VWA3A: variants seen among roughly 807,000 people sequenced by gnomAD.
The protein encoded by VWA3A is von Willebrand factor A domain-containing protein 3A.
Under a neutral mutation model 160.4 loss-of-function variants are expected in VWA3A, and 134 were observed. That is an observed-to-expected ratio of 0.84 (90% confidence interval 0.73 to 0.96). The LOEUF (loss-of-function observed/expected upper bound fraction) is 0.96. Among genes scored for constraint, VWA3A ranks in the 40% least tolerant of loss-of-function variants. VWA3A has a pLI of 0.00. For synonymous variants in VWA3A, 476 were observed against 543.4 expected (o/e 0.88, Z 1.72); for missense variants, 1,310 against 1,447.9 (o/e 0.90, Z 1.55).
chr16:22,148,512 T>C (rs1231292337), intron 28 of VWA3A, among the ~76,000 whole-genome samples: 8 of 152,300 alleles, frequency 5.3e-5, no homozygotes, highest in Non-Finnish European at 1.2e-4. Context: ...GGCTCATACC[T>C]GTAATCCCAG....
At chr16:22,111,897 A>G (rs565062487) in intron 8 of VWA3A, among the ~76,000 whole-genome samples, 1 of 152,298 alleles carries the variant, frequency 6.6e-6, no homozygotes, top group African/African-American at 2.4e-5. Context: ...GACTACGGGT[A>G]TGAGACACTG....
At chr16:22,110,608 A>AG (rs2045539266) in intron 7 of VWA3A, among the ~76,000 whole-genome samples, 1 of 152,180 alleles carries the variant, frequency 6.6e-6, no homozygotes, top group African/African-American at 2.4e-5. Flanking sequence ...TGCCTTAGAG[A>AG]GAAACCTCTG....
At chr16:22,155,756 T>C (rs1332635071) in intron 32 of VWA3A, 92 bp downstream of exon 32, 13 of 1,592,122 alleles carry the variant, frequency 8.2e-6, no homozygotes, top group African/African-American at 1.3e-5. Context: ...CCCATGATGG[T>C]ACCCTTGCTC....
At chr16:22,109,623 A>AC in intron 7 of VWA3A, 43 bp downstream of exon 7, 2 of 1,543,590 alleles carry the variant, frequency 1.3e-6, no homozygotes, top group Non-Finnish European at 1.8e-6. Flanking sequence ...ACCACCCACT[A>AC]CCCCCAGCCT....
In VWA3A at chr16:22,100,641, G is replaced by T. The variant is rs11864779; in HGVS notation, c.428+148G>T. On this transcript the variant is annotated intron_variant, in intron 5 of 33. Coordinates refer to ENST00000389398, the MANE Select transcript of VWA3A (RefSeq NM_173615.5). ...CTTGAGGTCAAGAGTTTGAAACCAGGCTGGCCAACATGGTGAAATCCTGTC... is the reference window on the plus strand; with the variant it reads ...CTTGAGGTCAAGAGTTTGAAACCAGTCTGGCCAACATGGTGAAATCCTGTC... The T allele has an allele frequency of 5.2e-3, 3,854 of 748,124 alleles. 125 individuals carry two copies. In the African/African-American group the frequency reaches 0.06, roughly 12 times the overall value. The allele number at this position is 748,124 out of a possible 1,614,324, so 46.3% of individuals were successfully genotyped here. A position where few individuals can be genotyped will look rare whatever the true frequency, so the allele number is the denominator to read the frequency against.
Position 22,097,679 on chromosome 16 carries a change from A to C in VWA3A, c.209A>C (p.Gln70Pro). 6.4e-7 allele frequency: 1 copy of C among 1,551,728 alleles called. No homozygotes were observed. Among genetic ancestry groups the C allele is most frequent in the Non-Finnish European group, 8.7e-7 (1 of 1,146,962 alleles). ...DNGLLVTHVN[Q>P]TQDLLRLQGS... Reference sequence around the variant, plus strand: ...GGATTATTGGTTACACATGTTAACCAGACACAGGACTTACTGGTAAAGACC... The same window carrying C: ...GGATTATTGGTTACACATGTTAACCCGACACAGGACTTACTGGTAAAGACC... Residue 70 changes from glutamine to proline, a missense_variant, in exon 3 of 34, where the codon CAG becomes CCG. Gln to Pro is a moderately conservative substitution (Grantham distance 76). Transcript: ENST00000389398.
intron 19 of VWA3A, among the ~76,000 whole-genome samples, chr16:22,131,991 G>A (rs1486060873): frequency 1.3e-5 from 2 of 152,140 alleles, no homozygotes; most frequent in African/African-American, 4.8e-5. Flanking sequence ...AGCTACTCAG[G>A]AGGCTGGGGT....
At chr16:22,138,626 G>T in intron 22 of VWA3A, 114 bp downstream of exon 22, 2 of 1,405,400 alleles carry the variant, frequency 1.4e-6, no homozygotes, top group Non-Finnish European at 1.9e-6. Flanking sequence ...GTGCTTCAGT[G>T]GTGAGTGTCC....
intron 25 of VWA3A, among the ~76,000 whole-genome samples, 155 bp downstream of exon 25, chr16:22,142,920 G>A (rs2046179209): frequency 6.6e-6 from 1 of 152,114 alleles, no homozygotes; most frequent in Non-Finnish European, 1.5e-5. Context: ...GGAGGCTGAG[G>A]TGGGTGGATC....
rs1310265483 is a variant in VWA3A at position 22,138,474 on chromosome 16, T to C, written c.2254T>C (p.Cys752Arg). 1.9e-6 allele frequency: 3 copies of C among 1,613,262 alleles called. No individual in the cohort carries two copies. The highest frequency in any genetic ancestry group is 1.7e-5 in the Admixed American group (1 of 59,964). The stretch of plus-strand genomic sequence containing the variant: ...GCTAAGAAGTCAGCCCAAGAAGCTC[T>C]GCCCTCCCAGGCCCACCGTCCCCCT... ...LQLRSQPKKL[C>R]PPRPTVPLGA... The change falls in exon 22 of 34, where the codon TGC (cysteine) becomes CGC (arginine). Residue 752 changes from cysteine to arginine, a missense_variant. Cys to Arg is a radical substitution (Grantham distance 180). Transcript: ENST00000389398.
At chr16:22,102,590 T>G (rs1480213610) in intron 5 of VWA3A, among the ~76,000 whole-genome samples, 2 of 152,176 alleles carry the variant, frequency 1.3e-5, no homozygotes, top group Admixed American at 6.5e-5. Flanking sequence ...AACCAGTCAT[T>G]GCAAGCCAGG....
In VWA3A at chr16:22,152,629, G is replaced by GA; in HGVS notation, c.3404dup (p.Asp1136GlyfsTer8). 1 of 1,603,190 alleles carries GA rather than the reference G, an allele frequency of 6.2e-7. No individual in the cohort carries two copies. The highest frequency in any genetic ancestry group is 8.5e-7 in the Non-Finnish European group (1 of 1,174,802). On this transcript the variant is annotated frameshift_variant, in exon 31 of 34. Coordinates refer to ENST00000389398, the MANE Select transcript of VWA3A (RefSeq NM_173615.5). LOFTEE classifies it high-confidence loss of function. ...CCTGCTGACCAAAGGCTTCATCAAT[G>GA]AAAAGGTAGGTTGCAGAGCCACTGA...
chr16:22,140,049 T>G lies in VWA3A; in HGVS notation c.2293-105T>G. On this transcript the variant is annotated intron_variant, in intron 22 of 33. Coordinates refer to ENST00000389398, the MANE Select transcript of VWA3A (RefSeq NM_173615.5). ...GTCTGAGGAGTCCCCTCCCTTAGGC[T>G]CCTCCCTACAAAAGTTCCTGATTGA... The G allele has an allele frequency of 7.3e-6, 8 of 1,094,468 alleles. No individual in the cohort carries two copies. In the South Asian group the frequency reaches 1.1e-4, roughly 15 times the overall value. The allele number at this position is 1,094,468 out of a possible 1,614,324, so 67.8% of individuals were successfully genotyped here.
chr16:22,148,471 AG>A (rs2046295213), intron 28 of VWA3A, among the ~76,000 whole-genome samples, 165 bp downstream of exon 28: 1 of 152,158 alleles, frequency 6.6e-6, no homozygotes, highest in South Asian at 2.1e-4. Flanking sequence ...TCTGCTGTGA[AG>A]GAAATCAGTT....
At chr16:22,145,513 C>T (rs2046232356) in intron 26 of VWA3A, among the ~76,000 whole-genome samples, 1 of 151,914 alleles carries the variant, frequency 6.6e-6, no homozygotes, top group Non-Finnish European at 1.5e-5. Context: ...GTGCTGTGCA[C>T]CTGTAATCCC....
At chr16:22,153,289 G>C (rs1412730632) in intron 31 of VWA3A, among the ~76,000 whole-genome samples, 1 of 152,196 alleles carries the variant, frequency 6.6e-6, no homozygotes, top group East Asian at 1.9e-4. Flanking sequence ...GTTGCAGTCA[G>C]CCGAGATTGC....
chr16:22,146,432 A>T, intron 27 of VWA3A, 88 bp downstream of exon 27: 1 of 1,126,972 alleles, frequency 8.9e-7, no homozygotes, highest in Middle Eastern at 2.8e-4. Flanking sequence ...GTCCTTCCAA[A>T]GCCAGGCCTT....
Position 22,100,295 on chromosome 16 carries a change from G to A in VWA3A, c.327G>A (p.Leu109=), listed in dbSNP as rs2045388395. ...GTCAGAAACTCACCTTGGCTGACCTGATAAGCCAGGGCACAGAAGTGCTGT... is the reference window on the plus strand; with the variant it reads ...GTCAGAAACTCACCTTGGCTGACCTAATAAGCCAGGGCACAGAAGTGCTGT... ...LKCQKLTLAD[L]ISQGTEVLEE... The change falls in exon 4 of 34, where the codon CTG becomes CTA. Residue 109 remains leucine, a synonymous_variant. Coordinates refer to ENST00000389398, the MANE Select transcript of VWA3A (RefSeq NM_173615.5). 6.4e-7 allele frequency: 1 copy of A among 1,551,554 alleles called. No homozygotes were observed. Among genetic ancestry groups the A allele is most frequent in the Non-Finnish European group, 8.7e-7 (1 of 1,146,976 alleles).
At position 22,103,532 on chromosome 16, in the gene VWA3A, A is replaced by G. The variant is rs373748994; in HGVS notation, c.483+3A>G. ...GGCTCACAGAAAACAGCAAGAAGGT[A>G]ACGGGCATAGATTTCATTCTTTGCC... On this transcript the variant is annotated splice_donor_region_variant and intron_variant, in intron 6 of 33. Transcript: ENST00000389398. 113 of 1,551,798 alleles carry G rather than the reference A, an allele frequency of 7.3e-5. No individual in the cohort carries two copies. In the African/African-American group the frequency reaches 1.4e-3, roughly 19 times the overall value.
Sources: gnomAD v4.1 joint callset for allele counts (sites outside exome capture counted in the v4.1 genomes callset) on GRCh38, gnomAD v4.1.1 for gene constraint, MANE v1.5 for transcripts, NCBI Gene and HGNC (gene_info 2026-07-23, HGNC 2026-07-21) for gene names.